TIAM1: variants seen among roughly 807,000 people sequenced by gnomAD.
The protein encoded by TIAM1 is TIAM Rac1 associated GEF 1.
In TIAM1, 65 loss-of-function variants were observed where a neutral mutation model predicts 163.5. The observed-to-expected ratio is 0.40, with a 90% CI of 0.33 to 0.49. The LOEUF is 0.49. Among genes scored for constraint, TIAM1 ranks in the 20% least tolerant of loss-of-function variants. The probability of loss-of-function intolerance (pLI) is 0.77; values close to 1 mark genes in which losing one functional copy is unlikely to be tolerated. For missense variants in TIAM1, 1,789 were observed against 2,044.7 expected (o/e 0.87, Z 2.41); for synonymous variants, 833 against 810.1 (o/e 1.03, Z -0.48).
At chr21:31,333,390 T>G (rs2075739732) in intron 2 of TIAM1, among the ~76,000 whole-genome samples, 1 of 152,188 alleles carries the variant, frequency 6.6e-6, no homozygotes, top group Non-Finnish European at 1.5e-5. Flanking sequence ...TTTGAACCCT[T>G]CTAAACTTCT....
chr21:31,145,832 T>C (rs2083081527), intron 20 of TIAM1, among the ~76,000 whole-genome samples: 2 of 152,184 alleles, frequency 1.3e-5, no homozygotes, highest in Admixed American at 6.5e-5. Flanking sequence ...AAACTGCAAC[T>C]TTATGCAAAA....
chr21:31,311,029 C>A (rs1246919254), intron 2 of TIAM1, among the ~76,000 whole-genome samples: 2 of 152,180 alleles, frequency 1.3e-5, no homozygotes, highest in African/African-American at 2.4e-5. Context: ...GTCAGCAACA[C>A]CTGCATTGGC....
At chr21:31,518,305 G>T (rs911312092) in intron 1 of TIAM1, among the ~76,000 whole-genome samples, 4 of 151,168 alleles carry the variant, frequency 2.6e-5, no homozygotes, top group African/African-American at 9.7e-5. Flanking sequence ...GTTTTTTTTT[G>T]AAATGAAGTT....
chr21:31,527,527 G>A (rs941220146), intron 1 of TIAM1, among the ~76,000 whole-genome samples: 3 of 152,038 alleles, frequency 2.0e-5, no homozygotes, highest in Non-Finnish European at 4.4e-5. Flanking sequence ...AGAGCATGGG[G>A]ACCTAGCACA....
chr21:31,466,351 T>G (rs1399757629), intron 1 of TIAM1, among the ~76,000 whole-genome samples: 1 of 152,092 alleles, frequency 6.6e-6, no homozygotes, highest in Non-Finnish European at 1.5e-5. Context: ...CAGGTTGACT[T>G]AGACAACAAG....
chr21:31,212,630 TGAGA>T (rs1414483486), intron 10 of TIAM1: 3 of 138,492 alleles, frequency 2.2e-5, no homozygotes, highest in East Asian at 2.0e-4. Context: ...TTTTTTTTTT[TGAGA>T]GAGAGTCTTG....
intron 1 of TIAM1, among the ~76,000 whole-genome samples, chr21:31,485,490 A>G (rs187133453): frequency 6.6e-6 from 1 of 152,300 alleles, no homozygotes; most frequent in Non-Finnish European, 1.5e-5. Context: ...GAGAGTGTGG[A>G]GAGAGGAGGC....
intron 2 of TIAM1, among the ~76,000 whole-genome samples, chr21:31,440,014 C>T (rs968395641): frequency 2.0e-5 from 3 of 152,164 alleles, no homozygotes; most frequent in Admixed American, 1.3e-4. Flanking sequence ...GTTACCTAAC[C>T]TCTCTGTGTC....
intron 2 of TIAM1, among the ~76,000 whole-genome samples, chr21:31,284,469 CAG>C (rs2073710588): frequency 2.0e-5 from 3 of 152,104 alleles, no homozygotes; most frequent in South Asian, 4.1e-4. Context: ...GGAGGGTAAA[CAG>C]AGCTCCTCTT....
Position 31,315,173 on chromosome 21 carries a change from C to A in TIAM1, c.-189+24070G>T, listed in dbSNP as rs543890317. Among the ~76,000 whole-genome samples, 3 of 151,994 alleles carry A rather than the reference C, an allele frequency of 2.0e-5. No individual in the cohort carries two copies. The South Asian group carries it at 6.3e-4, about 32-fold the overall frequency. ...ATCACCTGAAGTCAAGAGTTGGAGA[C>A]CAGACTGACCAACATGGTGAAACTC... On this transcript the variant is annotated intron_variant, in intron 2 of 27. Coordinates refer to ENST00000541036, the MANE Select transcript of TIAM1 (RefSeq NM_001353694.2).
chr21:31,536,415 G>A (rs1007220563), intron 1 of TIAM1, among the ~76,000 whole-genome samples: 2 of 152,122 alleles, frequency 1.3e-5, no homozygotes, highest in Admixed American at 6.6e-5. Context: ...GCAAGCAAAT[G>A]GTGCAATCTG....
intron 1 of TIAM1, among the ~76,000 whole-genome samples, chr21:31,518,502 G>A (rs2047456809): frequency 6.6e-6 from 1 of 151,994 alleles, no homozygotes; most frequent in South Asian, 2.1e-4. Flanking sequence ...GGTCAGGCTG[G>A]TCTCAAACTC....
At chr21:31,363,414 T>G (rs1034811403) in intron 2 of TIAM1, among the ~76,000 whole-genome samples, 7 of 152,056 alleles carry the variant, frequency 4.6e-5, no homozygotes, top group African/African-American at 1.4e-4. Flanking sequence ...GGGATTTTGT[T>G]TTTTTTTCTG....
intron 1 of TIAM1, among the ~76,000 whole-genome samples, chr21:31,507,516 C>G (rs1232443726): frequency 6.6e-6 from 1 of 151,774 alleles, no homozygotes; most frequent in African/African-American, 2.4e-5. Context: ...CATGTCTGGT[C>G]CCTTTTAAAA....
At chr21:31,202,854 T>C (rs1041294111) in intron 12 of TIAM1, 54 bp downstream of exon 12, 6 of 1,498,246 alleles carry the variant, frequency 4.0e-6, no homozygotes, top group Admixed American at 3.5e-5. Flanking sequence ...AGAACACTCA[T>C]AATTTGAAGA....
intron 2 of TIAM1, among the ~76,000 whole-genome samples, chr21:31,311,635 T>G (rs2074934484): frequency 6.6e-6 from 1 of 152,220 alleles, no homozygotes; most frequent in Admixed American, 6.5e-5. Flanking sequence ...TGCCTGGTAC[T>G]TACTTCTACA....
chr21:31,412,668 G>C (rs2043239366), intron 2 of TIAM1, among the ~76,000 whole-genome samples: 2 of 151,458 alleles, frequency 1.3e-5, no homozygotes, highest in African/African-American at 4.9e-5. Context: ...TGGAATCCCA[G>C]CTACTTGGGA....
At chr21:31,508,797 G>A (rs983514061) in intron 1 of TIAM1, among the ~76,000 whole-genome samples, 6 of 152,112 alleles carry the variant, frequency 3.9e-5, no homozygotes, top group Non-Finnish European at 7.4e-5. Flanking sequence ...AGATCCTAGC[G>A]TTGAAGTGGT....
chr21:31,357,399 T>G (rs902180824), intron 2 of TIAM1, among the ~76,000 whole-genome samples: 10 of 152,196 alleles, frequency 6.6e-5, no homozygotes, highest in Admixed American at 6.5e-4. Flanking sequence ...CACAAACTTC[T>G]AAGACTATAT....
Sources: gnomAD v4.1 joint callset for allele counts (sites outside exome capture counted in the v4.1 genomes callset) on GRCh38, gnomAD v4.1.1 for gene constraint, MANE v1.5 for transcripts, NCBI Gene and HGNC (gene_info 2026-07-23, HGNC 2026-07-21) for gene names.